Variants in GPM6A observed in about 807,000 individuals in gnomAD.
GPM6A encodes the protein neuronal membrane glycoprotein M6-a.
GPM6A carries 7 observed loss-of-function variants against 32.1 expected under a neutral mutation model. That is an observed-to-expected ratio of 0.22 (90% CI 0.12 to 0.41). The LOEUF is 0.41. Among genes scored for constraint, GPM6A ranks in the 10% least tolerant of loss-of-function variants. The probability of loss-of-function intolerance (pLI) is 1.00; values close to 1 mark genes in which losing one functional copy is unlikely to be tolerated. For missense variants in GPM6A, 235 were observed against 347.2 expected (o/e 0.68, Z 2.57); for synonymous variants, 130 against 123.4 (o/e 1.05, Z -0.35).
intron 1 of GPM6A, among the ~76,000 whole-genome samples, chr4:175,899,618 G>A (rs1737889953): frequency 6.6e-6 from 1 of 152,080 alleles, no homozygotes; most frequent in Non-Finnish European, 1.5e-5. Flanking sequence ...ACATACACTT[G>A]GGGAAGAGAG....
At chr4:175,661,047 A>C (rs933247598) in intron 3 of GPM6A, among the ~76,000 whole-genome samples, 17 of 152,230 alleles carry the variant, frequency 1.1e-4, no homozygotes, top group Admixed American at 3.9e-4. Context: ...TAATTGTGCA[A>C]TCAGTATATA....
chr4:175,837,165 G>T (rs557645690), intron 1 of GPM6A, among the ~76,000 whole-genome samples: 1 of 152,194 alleles, frequency 6.6e-6, no homozygotes, highest in South Asian at 2.1e-4. Context: ...CTATGCTTCT[G>T]GCTTTGAAGA....
chr4:175,773,089 TC>T (rs1320645590), intron 1 of GPM6A, among the ~76,000 whole-genome samples: 61 of 152,350 alleles, frequency 4.0e-4, no homozygotes, highest in African/African-American at 1.4e-3. Flanking sequence ...TGGTGGTGAT[TC>T]CTTCTACCCT....
intron 1 of GPM6A, among the ~76,000 whole-genome samples, chr4:175,870,821 G>T (rs898390985): frequency 1.3e-5 from 2 of 152,046 alleles, no homozygotes; most frequent in Non-Finnish European, 2.9e-5. Context: ...AACTACTTTG[G>T]TCTTTCAAAG....
chr4:175,816,929 G>C (rs985139255), upstream of GPM6A, among the ~76,000 whole-genome samples: 4 of 151,736 alleles, frequency 2.6e-5, no homozygotes, highest in South Asian at 2.1e-4. Flanking sequence ...GCGCGGTCTC[G>C]GCTCACTGCA....
intron 1 of GPM6A, among the ~76,000 whole-genome samples, chr4:175,811,400 G>T (rs1442560203): frequency 6.6e-6 from 1 of 152,080 alleles, no homozygotes; most frequent in African/African-American, 2.4e-5. Flanking sequence ...GTGAAAGCTA[G>T]CTCCCTCTGA....
At chr4:175,654,964 T>G (rs1289076726) in intron 3 of GPM6A, among the ~76,000 whole-genome samples, 1 of 152,144 alleles carries the variant, frequency 6.6e-6, no homozygotes, top group Non-Finnish European at 1.5e-5. Context: ...AAGCTTCTTT[T>G]GAAGATGTTG....
At chr4:175,768,091 T>C (rs886109445) in intron 1 of GPM6A, among the ~76,000 whole-genome samples, 3 of 152,230 alleles carry the variant, frequency 2.0e-5, no homozygotes, top group African/African-American at 7.2e-5. Flanking sequence ...AAGAACAATA[T>C]GGTTCATGTT....
At chr4:175,758,123 A>G (rs1732601891) in intron 1 of GPM6A, among the ~76,000 whole-genome samples, 1 of 152,160 alleles carries the variant, frequency 6.6e-6, no homozygotes, top group Admixed American at 6.6e-5. Context: ...AAAGTAACCC[A>G]TTGAACCTCT....
chr4:175,951,208 A>G (rs1365369632), intron 1 of GPM6A, among the ~76,000 whole-genome samples: 3 of 152,234 alleles, frequency 2.0e-5, no homozygotes, highest in Non-Finnish European at 4.4e-5. Context: ...CAAGATGCTT[A>G]TCTGCCCAAC....
chr4:175,834,699 G>C (rs1428824721), intron 1 of GPM6A, among the ~76,000 whole-genome samples: 1 of 151,878 alleles, frequency 6.6e-6, no homozygotes, highest in Non-Finnish European at 1.5e-5. Flanking sequence ...GAGAGCCTGA[G>C]TCATAAAAAT....
chr4:175,976,731 G>T (rs1579680372), intron 1 of GPM6A, among the ~76,000 whole-genome samples: 1 of 152,246 alleles, frequency 6.6e-6, no homozygotes, highest in East Asian at 1.9e-4. Context: ...CAGGGACTAA[G>T]GCAGTCCCGT....
chr4:175,827,892 T>C (rs570426675), intron 1 of GPM6A, among the ~76,000 whole-genome samples: 1 of 152,332 alleles, frequency 6.6e-6, no homozygotes, highest in South Asian at 2.1e-4. Context: ...CTTCTTCCTC[T>C]GGCCTCAAAT....
chr4:175,636,289 T>TATATATATAC (rs869125043), intron 6 of GPM6A, among the ~76,000 whole-genome samples: 3 of 120,000 alleles, frequency 2.5e-5, no homozygotes, highest in Non-Finnish European at 5.3e-5. Flanking sequence ...TATATATATA[T>TATATATATAC]ATATATATAC....
chr4:175,868,833 T>C (rs1026537664), intron 1 of GPM6A, among the ~76,000 whole-genome samples: 3 of 152,236 alleles, frequency 2.0e-5, no homozygotes, highest in Non-Finnish European at 4.4e-5. Flanking sequence ...TCCACTTCTC[T>C]GGAAGTTTCA....
intron 1 of GPM6A, among the ~76,000 whole-genome samples, chr4:175,761,769 C>T (rs545251922): frequency 6.6e-6 from 1 of 151,230 alleles, no homozygotes; most frequent in South Asian, 2.1e-4. Context: ...TAAATAACAT[C>T]AACAGTTTCT....
intron 1 of GPM6A, among the ~76,000 whole-genome samples, chr4:175,954,227 A>G (rs1014831750): frequency 6.6e-6 from 1 of 152,200 alleles, no homozygotes; most frequent in Admixed American, 6.5e-5. Flanking sequence ...GCTGTTCACA[A>G]TCCAGGTGCT....
chr4:175,732,597 C>T (rs1231592248), intron 1 of GPM6A, among the ~76,000 whole-genome samples: 1 of 152,078 alleles, frequency 6.6e-6, no homozygotes, highest in Non-Finnish European at 1.5e-5. Context: ...AAGATTTCAT[C>T]TTATGTCTTT....
chr4:175,783,812 A>T (rs1733698527), intron 1 of GPM6A, among the ~76,000 whole-genome samples: 1 of 152,056 alleles, frequency 6.6e-6, no homozygotes, highest in Non-Finnish European at 1.5e-5. Context: ...CAGAGGAGAA[A>T]AATAAAGACT....
Sources: gnomAD v4.1 joint callset for allele counts (sites outside exome capture counted in the v4.1 genomes callset) on GRCh38, gnomAD v4.1.1 for gene constraint, MANE v1.5 for transcripts, NCBI Gene and HGNC (gene_info 2026-07-23, HGNC 2026-07-21) for gene names.